CAV3: variants seen among roughly 807,000 people sequenced by gnomAD.
CAV3 encodes the protein caveolin 3.
CAV3 carries 10 observed loss-of-function variants against 13.4 expected under a neutral mutation model. That is an observed-to-expected ratio of 0.75 (90% CI 0.46 to 1.27). CAV3 has a LOEUF of 1.27. Among genes scored for constraint, CAV3 ranks in the 50% most tolerant of loss-of-function variants. The pLI is 0.00. For missense variants in CAV3, 162 were observed against 194.0 expected (o/e 0.83, Z 0.98); for synonymous variants, 90 against 79.0 (o/e 1.14, Z -0.74).
chr3:8,735,461 C>T lies in CAV3; in HGVS notation c.114+1471C>T, dbSNP rs560950176. ...TAAAATGTACATGTGAAAATCGATT[C>T]GCATGCCTGTACTGTTTCAAACATT... is the stretch of plus-strand genomic sequence containing the variant. On this transcript the variant is annotated intron_variant, in intron 1 of 1. Coordinates refer to ENST00000343849, the MANE Select transcript of CAV3 (RefSeq NM_033337.3). Among the ~76,000 whole-genome samples, 12 of 152,288 alleles carry T rather than the reference C, an allele frequency of 7.9e-5. 1 individual carries two copies. The South Asian group carries it at 8.3e-4, about 11-fold the overall frequency.
At position 8,746,651 on chromosome 3, in the gene CAV3, C is replaced by A. The variant is rs1403707536; in HGVS notation, c.*784C>A. 6.6e-6 allele frequency: 1 copy of A among 151,798 alleles called. No individual in the cohort carries two copies. Among genetic ancestry groups the A allele is most frequent in the Non-Finnish European group, 1.5e-5 (1 of 67,846 alleles). The allele number at this position is 151,798 out of a possible 1,614,324, so 9.4% of individuals were successfully genotyped here. ...AACCGAGCCCCTGAAATGCCCAGTA[C>A]TGCCATTTGACATGAGGGTACCTTC... On this transcript the variant is annotated 3_prime_UTR_variant, in exon 2 of 2. Coordinates refer to ENST00000343849, the MANE Select transcript of CAV3 (RefSeq NM_033337.3).
intron 1 of CAV3, among the ~76,000 whole-genome samples, chr3:8,742,798 G>A (rs1708021853): frequency 6.6e-6 from 1 of 152,192 alleles, no homozygotes; most frequent in Admixed American, 6.5e-5. Flanking sequence ...CAGGCAGATA[G>A]GTGGATAGAT....
chr3:8,745,133 T>C lies in CAV3; in HGVS notation c.115-393T>C, dbSNP rs2124987763. The C allele has an allele frequency of 4.7e-6, 1 of 212,076 alleles. No individual in the cohort carries two copies. Among genetic ancestry groups the C allele is most frequent in the Non-Finnish European group, 9.6e-6 (1 of 103,924 alleles). 13.1% of individuals were successfully genotyped at this position (212,076 alleles called of 1,614,324 possible). A position where few individuals can be genotyped will look rare whatever the true frequency, so the allele number is the denominator to read the frequency against. On this transcript the variant is annotated intron_variant, in intron 1 of 1. Coordinates refer to ENST00000343849, the MANE Select transcript of CAV3 (RefSeq NM_033337.3). The surrounding 1 kb of genome is among the most constrained non-coding windows in gnomAD (Gnocchi z 4.8). ...TGCTGTCCTCACAATAGTGGGAGAG[T>C]TCTCATAAGATCTGGTTGTTGTAAA...
At chr3:8,735,521 A>G (rs73132812) in intron 1 of CAV3, among the ~76,000 whole-genome samples, 4,941 of 152,302 alleles carry the variant, frequency 0.032, 270 homozygotes, top group African/African-American at 0.11. Context: ...ATCGGGGTTT[A>G]CATTTTAATT....
chr3:8,736,780 G>A (rs73810972), intron 1 of CAV3, among the ~76,000 whole-genome samples: 3,093 of 152,304 alleles, frequency 0.02, 110 homozygotes, highest in African/African-American at 0.071. Flanking sequence ...AAAGGATGCC[G>A]CAAATAATTT....
chr3:8,739,377 C>G (rs534977692), intron 1 of CAV3, among the ~76,000 whole-genome samples: 109 of 151,990 alleles, frequency 7.2e-4, no homozygotes, highest in Non-Finnish European at 1.1e-3. Flanking sequence ...TTTTAGGAGG[C>G]CAAGGCAGGT....
intron 1 of CAV3, among the ~76,000 whole-genome samples, chr3:8,737,566 C>T (rs1005431156): frequency 2.0e-5 from 3 of 152,126 alleles, no homozygotes; most frequent in African/African-American, 7.2e-5. Flanking sequence ...CTCCAAGGCT[C>T]GGGACTGGGC....
At chr3:8,740,162 G>A (rs554310444) in intron 1 of CAV3, among the ~76,000 whole-genome samples, 3 of 152,226 alleles carry the variant, frequency 2.0e-5, no homozygotes, top group African/African-American at 7.2e-5. Flanking sequence ...TTCTAACATG[G>A]GGGCTCAGTG....
chr3:8,738,320 C>A (rs1167394166), intron 1 of CAV3, among the ~76,000 whole-genome samples: 2 of 152,206 alleles, frequency 1.3e-5, no homozygotes, highest in African/African-American at 4.8e-5. Flanking sequence ...AACAAACACC[C>A]ATTTGCCCCC....
In CAV3 at chr3:8,745,961, T is replaced by C. The variant is rs1411346800; in HGVS notation, c.*94T>C. 5.9e-6 allele frequency: 6 copies of C among 1,016,480 alleles called. No individual in the cohort carries two copies. The highest frequency in any genetic ancestry group is 1.6e-5 in the African/African-American group (1 of 63,214). 63.0% of individuals were successfully genotyped at this position (1,016,480 alleles called of 1,614,324 possible). ...TCACAGGGGCTGCTGGCGAGCTCTT[T>C]CTCTTTAGGGACTGCTCCATACCCC... On this transcript the variant is annotated 3_prime_UTR_variant, in exon 2 of 2. Coordinates refer to ENST00000343849, the MANE Select transcript of CAV3 (RefSeq NM_033337.3). The surrounding 1 kb of genome is among the most constrained non-coding windows in gnomAD (Gnocchi z 4.8).
At chr3:8,744,680 C>T (rs577868701) in intron 1 of CAV3, among the ~76,000 whole-genome samples, 25 of 152,160 alleles carry the variant, frequency 1.6e-4, no homozygotes, top group South Asian at 2.1e-4. Flanking sequence ...CTTAGGTAAG[C>T]GATGTGAGGA....
chr3:8,738,626 C>A (rs1251619532), intron 1 of CAV3, among the ~76,000 whole-genome samples: 6 of 152,118 alleles, frequency 3.9e-5, no homozygotes, highest in Admixed American at 3.9e-4. Context: ...CAGGTGGTAT[C>A]CATGGTGCAT....
In CAV3 at chr3:8,734,098, A is replaced by G. The variant is rs1182999072; in HGVS notation, c.114+108A>G. 9.7e-6 allele frequency: 7 copies of G among 719,812 alleles called. No individual in the cohort carries two copies. The Admixed American group carries it at 1.4e-4, about 14-fold the overall frequency. The allele number at this position is 719,812 out of a possible 1,614,324, so 44.6% of individuals were successfully genotyped here. A position where few individuals can be genotyped will look rare whatever the true frequency, so the allele number is the denominator to read the frequency against. On this transcript the variant is annotated intron_variant, in intron 1 of 1. Coordinates refer to ENST00000343849, the MANE Select transcript of CAV3 (RefSeq NM_033337.3). Reference sequence around the variant, plus strand: ...GCAGACACAGTTTCCCTGAAAAGAGACTTGTTGCTCTGTTGTCTCTGTATC... The same window carrying G: ...GCAGACACAGTTTCCCTGAAAAGAGGCTTGTTGCTCTGTTGTCTCTGTATC...
At chr3:8,735,773 T>C (rs11713745) in intron 1 of CAV3, among the ~76,000 whole-genome samples, 13,788 of 152,178 alleles carry the variant, frequency 0.091, 840 homozygotes, top group Non-Finnish European at 0.14. Context: ...TCCTGTGCCA[T>C]TGCCAGAAGT....
chr3:8,735,226 A>C (rs572495279), intron 1 of CAV3, among the ~76,000 whole-genome samples: 1 of 152,352 alleles, frequency 6.6e-6, no homozygotes, highest in South Asian at 2.1e-4. Context: ...GCGAAAGCAA[A>C]CAGGTGAAAT....
At chr3:8,743,341 G>A (rs1258067760) in intron 1 of CAV3, among the ~76,000 whole-genome samples, 1 of 152,100 alleles carries the variant, frequency 6.6e-6, no homozygotes, top group Non-Finnish European at 1.5e-5. Flanking sequence ...CCATAAACAT[G>A]GGGAGTGAAT....
chr3:8,739,309 G>A (rs546524306), intron 1 of CAV3, among the ~76,000 whole-genome samples: 72 of 152,184 alleles, frequency 4.7e-4, no homozygotes, highest in African/African-American at 1.7e-3. Context: ...TTTAATGTTT[G>A]AGCATAAAAG....
intron 1 of CAV3, among the ~76,000 whole-genome samples, chr3:8,734,193 G>A (rs1707667895): frequency 8.3e-6 from 1 of 120,844 alleles, no homozygotes; most frequent in Non-Finnish European, 1.6e-5. Flanking sequence ...GCAAAATCAA[G>A]AGCAAAAAAT....
At chr3:8,738,047 T>C (rs6774034) in intron 1 of CAV3, among the ~76,000 whole-genome samples, 7 of 151,270 alleles carry the variant, frequency 4.6e-5, no homozygotes, top group Non-Finnish European at 7.4e-5. Context: ...CTTCTCTCTC[T>C]CTCTCTCTCC....
Sources: allele counts gnomAD v4.1 joint callset (sites outside exome capture counted in the v4.1 genomes callset), GRCh38; gene constraint gnomAD v4.1.1; non-coding constraint Gnocchi (gnomAD v3.1); transcripts MANE v1.5; gene names NCBI Gene and HGNC (gene_info 2026-07-23, HGNC 2026-07-21).